The following GALK2 variants were observed in gnomAD, a reference collection of about 807,000 sequenced individuals.
GALK2 encodes galactokinase 2.
A neutral mutation model predicts 52.4 loss-of-function variants in GALK2; 36 were observed. That is an observed-to-expected ratio of 0.69 (90% CI 0.53 to 0.91). The LOEUF (loss-of-function observed/expected upper bound fraction) is 0.91, where lower values mean the gene tolerates loss of function less well. Among genes scored for constraint, GALK2 ranks in the 40% least tolerant of loss-of-function variants. GALK2 has a pLI of 0.00. For missense variants in GALK2, 579 were observed against 559.1 expected, an observed-to-expected ratio of 1.04 and a Z score of -0.36; for synonymous variants, 176 against 199.1, an observed-to-expected ratio of 0.88 and a Z score of 0.98.
chr15:49,184,923 G>A (rs1009890385), intron 1 of GALK2, among the ~76,000 whole-genome samples: 3 of 152,098 alleles, frequency 2.0e-5, no homozygotes, highest in Non-Finnish European at 4.4e-5. Flanking sequence ...ACAATGTTCT[G>A]TGTTTGTGTC....
At chr15:49,303,810 T>G (rs533210174) in intron 8 of GALK2, among the ~76,000 whole-genome samples, 8 of 152,316 alleles carry the variant, frequency 5.3e-5, no homozygotes, top group African/African-American at 1.9e-4. Context: ...CTAGCCTTGC[T>G]GGTCTTCTCA....
rs2038134779 is a variant in GALK2 at position 49,329,288 on chromosome 15, G to A, written c.*1129G>A. 1 of 985,392 alleles carries A rather than the reference G, an allele frequency of 1.0e-6. No homozygotes were observed. The highest frequency in any genetic ancestry group is 1.2e-6 in the Non-Finnish European group (1 of 829,960). The allele number at this position is 985,392 out of a possible 1,614,324, so 61.0% of individuals were successfully genotyped here. ...TTTGGCTGGTGATGGCAAATGACTGGCTTTCTCTTGTGGATGGACTATAGG... is the reference window on the plus strand; with the variant it reads ...TTTGGCTGGTGATGGCAAATGACTGACTTTCTCTTGTGGATGGACTATAGG... On this transcript the variant is annotated 3_prime_UTR_variant, in exon 10 of 10. Coordinates refer to ENST00000560031, the MANE Select transcript of GALK2 (RefSeq NM_002044.4).
At chr15:49,214,984 T>C (rs1831245429) in intron 2 of GALK2, among the ~76,000 whole-genome samples, 1 of 152,228 alleles carries the variant, frequency 6.6e-6, no homozygotes, top group Admixed American at 6.5e-5. Context: ...AAGGATAATT[T>C]TACTGGAAAT....
intron 3 of GALK2, among the ~76,000 whole-genome samples, chr15:49,337,480 T>C (rs2039927184): frequency 1.8e-5 from 1 of 54,078 alleles, no homozygotes. Context: ...GTTGGACACT[T>C]GCAATGTCTG....
chr15:49,217,579 G>A (rs1423882916), intron 3 of GALK2, among the ~76,000 whole-genome samples: 1 of 152,182 alleles, frequency 6.6e-6, no homozygotes, highest in African/African-American at 2.4e-5. Context: ...GTCCTTGTCC[G>A]ATAGGTACTT....
upstream of GALK2, among the ~76,000 whole-genome samples, chr15:49,168,015 C>T (rs913580970): frequency 1.6e-4 from 24 of 152,120 alleles, no homozygotes; most frequent in African/African-American, 5.6e-4. Flanking sequence ...CAACAAAAGT[C>T]ACATATTCAG....
intron 1 of GALK2, among the ~76,000 whole-genome samples, chr15:49,184,123 A>G (rs913042269): frequency 5.3e-5 from 8 of 152,018 alleles, no homozygotes; most frequent in African/African-American, 1.9e-4. Context: ...CTCTGATAAT[A>G]TTTGTTTTAT....
intron 5 of GALK2, among the ~76,000 whole-genome samples, chr15:49,277,863 G>A (rs886138110): frequency 5.3e-5 from 8 of 152,168 alleles, no homozygotes; most frequent in East Asian, 1.9e-4. Context: ...AGGTAGGGCC[G>A]CTGGGGAAAC....
At chr15:49,311,042 T>G (rs2035946995) in intron 8 of GALK2, among the ~76,000 whole-genome samples, 1 of 152,240 alleles carries the variant, frequency 6.6e-6, no homozygotes, top group Non-Finnish European at 1.5e-5. Context: ...TTTAAGTCTT[T>G]AATCCATCTT....
intron 5 of GALK2, among the ~76,000 whole-genome samples, chr15:49,278,537 T>A (rs1008610647): frequency 6.6e-6 from 1 of 152,240 alleles, no homozygotes; most frequent in African/African-American, 2.4e-5. Flanking sequence ...TAGAGCACTA[T>A]AAGGTGCTTT....
intron 3 of GALK2, among the ~76,000 whole-genome samples, chr15:49,364,765 A>T (rs2044834200): frequency 6.6e-6 from 1 of 152,194 alleles, no homozygotes; most frequent in African/African-American, 2.4e-5. Flanking sequence ...AAACCCATTC[A>T]GAAACTCACT....
intron 5 of GALK2, among the ~76,000 whole-genome samples, chr15:49,258,829 T>TGTGTGTGAGAGA (rs1335491479): frequency 9.6e-4 from 119 of 124,014 alleles, no homozygotes; most frequent in African/African-American, 3.7e-3. Context: ...TGTGTGTGTG[T>TGTGTGTGAGAGA]GAGAGAGAGA....
chr15:49,180,709 T>A (rs7176949), intron 1 of GALK2, among the ~76,000 whole-genome samples: 10,316 of 152,196 alleles, frequency 0.068, 735 homozygotes, highest in African/African-American at 0.17. Context: ...TGTTTTTAGA[T>A]ACCTAATTGT....
chr15:49,337,898 C>A (rs985757121), intron 3 of GALK2, among the ~76,000 whole-genome samples: 1 of 152,150 alleles, frequency 6.6e-6, no homozygotes, highest in African/African-American at 2.4e-5. Flanking sequence ...TTTATCCAGT[C>A]TATCACTGAT....
intron 1 of GALK2, among the ~76,000 whole-genome samples, chr15:49,195,502 A>C (rs1047518310): frequency 1.6e-4 from 24 of 152,072 alleles, no homozygotes; most frequent in African/African-American, 5.6e-4. Flanking sequence ...TTTCTTTACC[A>C]TTCTAGTCTC....
intron 1 of GALK2, among the ~76,000 whole-genome samples, chr15:49,170,988 C>T (rs1172562524): frequency 1.3e-5 from 2 of 152,024 alleles, no homozygotes; most frequent in Non-Finnish European, 2.9e-5. Flanking sequence ...AGTCTGTCAC[C>T]TGCTACATTA....
intron 7 of GALK2, 22 bp downstream of exon 7, chr15:49,283,740 G>A (rs1595956090): frequency 1.2e-6 from 2 of 1,609,758 alleles, no homozygotes; most frequent in East Asian, 4.5e-5. Context: ...GCAGGCTAGT[G>A]AAACTTGAAG....
At chr15:49,307,390 A>G (rs183544921) in intron 8 of GALK2, among the ~76,000 whole-genome samples, 1 of 152,354 alleles carries the variant, frequency 6.6e-6, no homozygotes, top group African/African-American at 2.4e-5. Flanking sequence ...AAATATTCAC[A>G]AATGCCACAA....
chr15:49,324,871 T>A (rs1182665326), intron 9 of GALK2, among the ~76,000 whole-genome samples: 2 of 152,214 alleles, frequency 1.3e-5, no homozygotes, highest in Admixed American at 1.3e-4. Context: ...GAGAGATGGA[T>A]GTGACCTGTT....
Sources: gnomAD v4.1 joint callset for allele counts (sites outside exome capture counted in the v4.1 genomes callset) on GRCh38, gnomAD v4.1.1 for gene constraint, MANE v1.5 for transcripts, NCBI Gene and HGNC (gene_info 2026-07-23, HGNC 2026-07-21) for gene names.